CCDC60: variants seen among roughly 807,000 people sequenced by gnomAD.
CCDC60 encodes the protein coiled-coil domain containing 60.
In CCDC60, 54 loss-of-function variants were observed where a neutral mutation model predicts 63.5. That is an observed-to-expected ratio of 0.85 (90% confidence interval 0.68 to 1.07). The LOEUF (loss-of-function observed/expected upper bound fraction) is 1.07, where lower values mean the gene tolerates loss of function less well. Ranked by LOEUF, CCDC60 falls within the 50% of genes least tolerant of loss-of-function variation. The pLI, the probability that CCDC60 is intolerant of heterozygous loss-of-function variation, is 0.00. For missense variants in CCDC60, 651 were observed against 684.3 expected (o/e 0.95, Z 0.54); for synonymous variants, 206 against 238.8 (o/e 0.86, Z 1.27).
intron 5 of CCDC60, among the ~76,000 whole-genome samples, chr12:119,494,210 G>C (rs1215390554): frequency 6.6e-6 from 1 of 152,186 alleles, no homozygotes; most frequent in African/African-American, 2.4e-5. Context: ...ACAGACATCA[G>C]CTGTGGGGAA....
intron 3 of CCDC60, 75 bp from the exon 4 acceptor site, chr12:119,479,018 GA>G: frequency 1.0e-6 from 1 of 989,138 alleles, no homozygotes; most frequent in Non-Finnish European, 1.6e-6. Flanking sequence ...CTGCCGAATA[GA>G]CCGTGGCAAG....
intron 1 of CCDC60, among the ~76,000 whole-genome samples, chr12:119,417,701 G>T (rs748464980): frequency 6.6e-6 from 1 of 152,064 alleles, no homozygotes; most frequent in Non-Finnish European, 1.5e-5. Flanking sequence ...ACATAGCCAG[G>T]GCCTCAACAC....
chr12:119,352,753 A>G (rs1016171645), intron 1 of CCDC60, among the ~76,000 whole-genome samples: 1 of 152,128 alleles, frequency 6.6e-6, no homozygotes, highest in Non-Finnish European at 1.5e-5. Context: ...CCTGGCCAAC[A>G]TGGTGAAACC....
chr12:119,497,607 C>T (rs1951742493), intron 5 of CCDC60, among the ~76,000 whole-genome samples: 1 of 152,142 alleles, frequency 6.6e-6, no homozygotes, highest in South Asian at 2.1e-4. Flanking sequence ...ATTTTGAAAG[C>T]TTTGCTGGGA....
intron 2 of CCDC60, among the ~76,000 whole-genome samples, chr12:119,439,101 G>A (rs990552815): frequency 7.9e-6 from 1 of 127,230 alleles, no homozygotes; most frequent in Non-Finnish European, 1.6e-5. Context: ...GATGCAGGAT[G>A]AGATCTTACT....
intron 1 of CCDC60, among the ~76,000 whole-genome samples, chr12:119,414,924 A>G (rs1321052796): frequency 6.6e-6 from 1 of 152,192 alleles, no homozygotes; most frequent in Non-Finnish European, 1.5e-5. Flanking sequence ...GTAACCTTGA[A>G]CAACTTCATC....
At chr12:119,520,762 A>G (rs1408554643) in intron 9 of CCDC60, among the ~76,000 whole-genome samples, 4 of 152,136 alleles carry the variant, frequency 2.6e-5, no homozygotes, top group Middle Eastern at 3.4e-3. Flanking sequence ...GGCTGGTCTC[A>G]AACTCCTGAC....
At chr12:119,522,342 G>C (rs1053272296) in intron 9 of CCDC60, among the ~76,000 whole-genome samples, 2 of 152,170 alleles carry the variant, frequency 1.3e-5, no homozygotes, top group African/African-American at 2.4e-5. Context: ...GTCACAGGAG[G>C]GGGTATCCAT....
chr12:119,459,248 AC>A (rs1325876419), intron 2 of CCDC60, among the ~76,000 whole-genome samples: 2 of 152,200 alleles, frequency 1.3e-5, no homozygotes, highest in African/African-American at 2.4e-5. Flanking sequence ...TACATGAATT[AC>A]CCGAGGATCC....
rs1294142037 is a variant in CCDC60 at position 119,410,765 on chromosome 12, CAG to C, written c.91-17915_91-17914del. Among the ~76,000 whole-genome samples, 2 of 152,130 alleles carry C rather than the reference CAG, an allele frequency of 1.3e-5. No homozygotes were observed. The highest frequency in any genetic ancestry group is 4.8e-5 in the African/African-American group (2 of 41,454). On this transcript the variant is annotated intron_variant, in intron 1 of 13. Transcript: ENST00000327554. This position sits in a 1 kb window ranked among gnomAD's most constrained non-coding sequence, Gnocchi z 4.0. ...AAAAGCATAACAATTTTTTTTGAGACAGAGTCTCGCTCTGTCACTCGGGCTGC... is the reference window on the plus strand; with the variant it reads ...AAAAGCATAACAATTTTTTTTGAGACAGTCTCGCTCTGTCACTCGGGCTGC...
At chr12:119,360,982 G>A (rs1015907094) in intron 1 of CCDC60, among the ~76,000 whole-genome samples, 6 of 152,108 alleles carry the variant, frequency 3.9e-5, no homozygotes, top group Admixed American at 2.0e-4. Context: ...AAAAAAATAC[G>A]AAAACCAGTC....
chr12:119,493,455 G>C (rs756245359), intron 5 of CCDC60, among the ~76,000 whole-genome samples: 1 of 152,036 alleles, frequency 6.6e-6, no homozygotes, highest in Non-Finnish European at 1.5e-5. Context: ...TGGATGGATT[G>C]GTGGATGTTT....
At chr12:119,481,964 C>CATATATATATGGTATATATATGTATATAT (rs1566033658) in intron 4 of CCDC60, among the ~76,000 whole-genome samples, 1 of 122,660 alleles carries the variant, frequency 8.2e-6, no homozygotes, top group African/African-American at 3.8e-5. Context: ...AGTATTCCAT[C>CATATATATATGGTATATATATGTATATAT]ATATATATAT....
At chr12:119,416,068 G>A (rs1000800650) in intron 1 of CCDC60, among the ~76,000 whole-genome samples, 1 of 152,086 alleles carries the variant, frequency 6.6e-6, no homozygotes, top group Non-Finnish European at 1.5e-5. Flanking sequence ...ATTCCTTATA[G>A]GGTTGGCATG....
chr12:119,341,099 T>C (rs1025330872), intron 1 of CCDC60, among the ~76,000 whole-genome samples: 1 of 152,142 alleles, frequency 6.6e-6, no homozygotes, highest in Non-Finnish European at 1.5e-5. Context: ...GTTTGTTTGG[T>C]TTTTTGTTTT....
intron 6 of CCDC60, among the ~76,000 whole-genome samples, chr12:119,502,744 T>C (rs993875033): frequency 1.3e-5 from 2 of 152,190 alleles, no homozygotes; most frequent in Non-Finnish European, 2.9e-5. Context: ...CCCTAGGTTT[T>C]ATAAATGAGG....
At chr12:119,496,611 C>T (rs1180166217) in intron 5 of CCDC60, among the ~76,000 whole-genome samples, 1 of 152,234 alleles carries the variant, frequency 6.6e-6, no homozygotes, top group African/African-American at 2.4e-5. Flanking sequence ...TCTCTGTACA[C>T]AGCACCCATG....
chr12:119,418,540 G>A (rs1467357866), intron 1 of CCDC60, among the ~76,000 whole-genome samples: 1 of 150,998 alleles, frequency 6.6e-6, no homozygotes, highest in Non-Finnish European at 1.5e-5. Context: ...TCAGCCTCCT[G>A]AGTAGCTGGG....
chr12:119,505,955 C>T (rs1392486656), intron 7 of CCDC60, among the ~76,000 whole-genome samples: 1 of 102,388 alleles, frequency 9.8e-6, no homozygotes, highest in African/African-American at 3.9e-5. Flanking sequence ...TTTATATCCT[C>T]TTTTATACTG....
Sources: allele counts gnomAD v4.1 joint callset (sites outside exome capture counted in the v4.1 genomes callset), GRCh38; gene constraint gnomAD v4.1.1; non-coding constraint Gnocchi (gnomAD v3.1); transcripts MANE v1.5; gene names NCBI Gene and HGNC (gene_info 2026-07-23, HGNC 2026-07-21).